ZYG11B: variants seen among roughly 807,000 people sequenced by gnomAD.
The protein encoded by ZYG11B is protein zyg-11 homolog B.
In ZYG11B, 36 loss-of-function variants were observed where a neutral mutation model predicts 82.4. The ratio of observed to expected loss-of-function variants is 0.44; its 90% CI spans 0.33 to 0.58. The LOEUF is 0.58. ZYG11B is among the 20% of genes least tolerant of loss of function. ZYG11B has a pLI of 0.02. For synonymous variants in ZYG11B, 303 were observed against 312.8 expected, an observed-to-expected ratio of 0.97 and a Z score of 0.33; for missense variants, 552 against 895.6, an observed-to-expected ratio of 0.62 and a Z score of 4.90.
chr1:52,803,103 T>TATATATATACAC lies in ZYG11B; in HGVS notation c.1695+973_1695+974insCACATATATATA, dbSNP rs1553262785. ...ATATATACACATATATATATACATA[T>TATATATATACAC]ATATATATATATATACACACATATA... On this transcript the variant is annotated intron_variant, in intron 10 of 13. Coordinates refer to ENST00000294353, the MANE Select transcript of ZYG11B (RefSeq NM_024646.3). 6.3e-3 allele frequency among the ~76,000 whole-genome samples: 505 copies of TATATATATACAC among 79,666 alleles called. 27 individuals are homozygous for TATATATATACAC. Among genetic ancestry groups the TATATATATACAC allele is most frequent in the Admixed American group, 7.6e-3 (48 of 6,326 alleles). The allele number at this position is 79,666 out of a possible 152,430, so 52.3% of individuals were successfully genotyped here. A position where few individuals can be genotyped will look rare whatever the true frequency, so the allele number is the denominator to read the frequency against.
chr1:52,777,528 T>C (rs1273898741), intron 3 of ZYG11B, among the ~76,000 whole-genome samples: 1 of 152,120 alleles, frequency 6.6e-6, no homozygotes, highest in Non-Finnish European at 1.5e-5. Context: ...TACTGCAGCC[T>C]CAAATTCGTG....
intron 8 of ZYG11B, among the ~76,000 whole-genome samples, chr1:52,799,318 T>A (rs1645055443): frequency 6.6e-6 from 1 of 151,890 alleles, no homozygotes; most frequent in East Asian, 1.9e-4. Flanking sequence ...AAACCCCGTC[T>A]CTACTAAAAA....
At chr1:52,741,012 T>G (rs926562892) in intron 1 of ZYG11B, among the ~76,000 whole-genome samples, 1 of 151,866 alleles carries the variant, frequency 6.6e-6, no homozygotes, top group Admixed American at 6.6e-5. Flanking sequence ...AAAATAAAAG[T>G]TTTTGCTGGG....
intron 1 of ZYG11B, among the ~76,000 whole-genome samples, chr1:52,745,540 A>G (rs907532688): frequency 3.3e-5 from 5 of 152,142 alleles, no homozygotes; most frequent in African/African-American, 1.2e-4. Context: ...ATGGAGATGT[A>G]TAAGGCATGG....
In ZYG11B at chr1:52,739,149, G is replaced by A. The variant is rs140353835; in HGVS notation, c.30+12466G>A. ...TTACAGTTACCCCTCACCACGCCTG[G>A]CTAATTTTTGTAGTTTTAGTAGAGA... On this transcript the variant is annotated intron_variant, in intron 1 of 13. Transcript: ENST00000294353. Among the ~76,000 whole-genome samples the A allele has an allele frequency of 8.8e-4, 134 of 151,450 alleles. No individual in the cohort carries two copies. The East Asian group carries it at 9.0e-3, about 10-fold the overall frequency.
At chr1:52,739,239 G>A (rs1216847796) in intron 1 of ZYG11B, among the ~76,000 whole-genome samples, 2 of 151,778 alleles carry the variant, frequency 1.3e-5, no homozygotes, top group African/African-American at 2.4e-5. Context: ...TGCCCACCTC[G>A]GCCTCCCAAA....
rs543374283 is a variant in ZYG11B, at chr1:52,800,678, A to G, written c.1486-1141A>G. Among the ~76,000 whole-genome samples the G allele has an allele frequency of 1.1e-4, 16 of 152,120 alleles. No homozygotes were observed. The East Asian group carries it at 3.1e-3, about 29-fold the overall frequency. On this transcript the variant is annotated intron_variant, in intron 8 of 13. Coordinates refer to ENST00000294353, the MANE Select transcript of ZYG11B (RefSeq NM_024646.3). ...ATAAAAATTAGCCAGGTGTGGTGGC[A>G]TGCGCCTGTAATCCCAGCTACTTGG...
chr1:52,734,023 G>A (rs1644357407), intron 1 of ZYG11B, among the ~76,000 whole-genome samples: 2 of 151,998 alleles, frequency 1.3e-5, no homozygotes, highest in Admixed American at 6.6e-5. Flanking sequence ...CATAGTGACA[G>A]GGTCTTGCTC....
intron 13 of ZYG11B, among the ~76,000 whole-genome samples, chr1:52,817,162 A>G (rs901432103): frequency 3.3e-5 from 5 of 152,110 alleles, no homozygotes; most frequent in Non-Finnish European, 7.4e-5. Flanking sequence ...ATAGTGGTGA[A>G]TGAGACACTG....
At chr1:52,731,943 A>G (rs1269114483) in intron 1 of ZYG11B, among the ~76,000 whole-genome samples, 4 of 152,140 alleles carry the variant, frequency 2.6e-5, no homozygotes, top group Non-Finnish European at 5.9e-5. Context: ...AGCTGGGACT[A>G]CAGGCGTGCA....
At chr1:52,818,554 C>G (rs1258616413) in intron 13 of ZYG11B, among the ~76,000 whole-genome samples, 1 of 151,908 alleles carries the variant, frequency 6.6e-6, no homozygotes, top group East Asian at 1.9e-4. Flanking sequence ...ATTTTTGTGG[C>G]TCTGCTGCAA....
intron 8 of ZYG11B, 112 bp downstream of exon 8, chr1:52,796,896 ATAAT>A (rs1230600718): frequency 1.7e-4 from 19 of 114,766 alleles, no homozygotes; most frequent in African/African-American, 8.3e-4. Context: ...TATATAATAT[ATAAT>A]TATATATATA....
intron 2 of ZYG11B, among the ~76,000 whole-genome samples, chr1:52,770,085 TATATATA>T (rs1371260681): frequency 1.5e-4 from 11 of 73,748 alleles, no homozygotes; most frequent in African/African-American, 3.7e-4. Flanking sequence ...TATATATATA[TATATATA>T]TTTTTTTTTT....
chr1:52,776,229 A>AAAAAAAAAAAAAAAAATATAT, intron 3 of ZYG11B, among the ~76,000 whole-genome samples: 16 of 23,538 alleles, frequency 6.8e-4, no homozygotes, highest in African/African-American at 1.5e-3. Flanking sequence ...TAAAAAAAAA[A>AAAAAAAAAAAAAAAAATATAT]ATATATATAT....
intron 1 of ZYG11B, among the ~76,000 whole-genome samples, chr1:52,733,543 C>G (rs1644352271): frequency 6.6e-6 from 1 of 152,032 alleles, no homozygotes; most frequent in Admixed American, 6.6e-5. Flanking sequence ...CATCTGGGGT[C>G]TCAGCTACAC....
chr1:52,780,273 G>A (rs1298875158), intron 4 of ZYG11B, among the ~76,000 whole-genome samples: 1 of 152,140 alleles, frequency 6.6e-6, no homozygotes, highest in Non-Finnish European at 1.5e-5. Context: ...ACCAGCTACT[G>A]TAGAAAATGA....
At chr1:52,760,222 C>A (rs1009172865) in intron 2 of ZYG11B, among the ~76,000 whole-genome samples, 1 of 152,166 alleles carries the variant, frequency 6.6e-6, no homozygotes, top group Admixed American at 6.5e-5. Context: ...GCAGGCGATC[C>A]GCCTGAGGTC....
chr1:52,771,870 G>A lies in ZYG11B; in HGVS notation c.951+96G>A. 1 of 1,409,790 alleles carries A rather than the reference G, an allele frequency of 7.1e-7. No homozygotes were observed. 87.3% of individuals were successfully genotyped at this position (1,409,790 alleles called of 1,614,324 possible). On this transcript the variant is annotated intron_variant, in intron 3 of 13. Coordinates refer to ENST00000294353, the MANE Select transcript of ZYG11B (RefSeq NM_024646.3). The surrounding 1 kb of genome is among the most constrained non-coding windows in gnomAD (Gnocchi z 5.4). ...TGAATGTCTGTAATATATGGAACAT[G>A]TTCATGAAACAGGGCTGCATATAGT...
chr1:52,750,949 G>C (rs967176527), intron 1 of ZYG11B, among the ~76,000 whole-genome samples: 4 of 152,084 alleles, frequency 2.6e-5, no homozygotes, highest in Admixed American at 1.3e-4. Context: ...CAGCATTCCT[G>C]TTTTGCTAAG....
Sources: gnomAD v4.1 joint callset for allele counts (sites outside exome capture counted in the v4.1 genomes callset) on GRCh38, gnomAD v4.1.1 for gene constraint, Gnocchi (gnomAD v3.1) non-coding constraint, MANE v1.5 for transcripts, NCBI Gene and HGNC (gene_info 2026-07-23, HGNC 2026-07-21) for gene names.